ZFHX3: variants seen among roughly 807,000 people sequenced by gnomAD.
ZFHX3 encodes zinc finger homeobox protein 3.
In ZFHX3, 42 loss-of-function variants were observed where a neutral mutation model predicts 279.1. That is an observed-to-expected ratio of 0.15 (90% CI 0.12 to 0.19). ZFHX3 has a LOEUF of 0.19. Among genes scored for constraint, ZFHX3 ranks in the 10% least tolerant of loss-of-function variants. The pLI is 1.00. For synonymous variants in ZFHX3, 2,293 were observed against 1,957.8 expected (o/e 1.17, Z -4.52); for missense variants, 4,981 against 4,754.0 (o/e 1.05, Z -1.40).
chr16:72,859,040 C>A (rs953820295), intron 4 of ZFHX3, among the ~76,000 whole-genome samples: 2 of 152,252 alleles, frequency 1.3e-5, no homozygotes, highest in African/African-American at 4.8e-5. Context: ...CAGGCTCCCT[C>A]CACACCCTCT....
At chr16:73,346,965 A>G (rs747516262) in intron 3 of ZFHX3, among the ~76,000 whole-genome samples, 1 of 152,162 alleles carries the variant, frequency 6.6e-6, no homozygotes, top group Admixed American at 6.5e-5. Context: ...CATGTTCACT[A>G]TAAGGAGGTA....
intron 1 of ZFHX3, among the ~76,000 whole-genome samples, chr16:73,870,680 C>T (rs961751047): frequency 3.3e-5 from 5 of 152,132 alleles, no homozygotes; most frequent in Admixed American, 6.5e-5. Context: ...AGTTCTATTC[C>T]CCAATTCAAA....
chr16:73,565,541 T>C (rs2020439134), intron 2 of ZFHX3, among the ~76,000 whole-genome samples: 1 of 152,168 alleles, frequency 6.6e-6, no homozygotes, highest in Non-Finnish European at 1.5e-5. Flanking sequence ...TCGGGGCACT[T>C]AATAGTTTAC....
At chr16:73,218,760 C>A (rs915280133) in intron 5 of ZFHX3, among the ~76,000 whole-genome samples, 3 of 152,118 alleles carry the variant, frequency 2.0e-5, no homozygotes, top group Non-Finnish European at 4.4e-5. Context: ...CAGAGCGAGA[C>A]CCTGTCTCAA....
Position 73,454,164 on chromosome 16 carries a change from T to C in ZFHX3, c.-1291+1839A>G, listed in dbSNP as rs900722952. Among the ~76,000 whole-genome samples, 4 of 152,286 alleles carry C rather than the reference T, an allele frequency of 2.6e-5. No individual in the cohort carries two copies. The East Asian group carries it at 7.7e-4, about 29-fold the overall frequency. The stretch of plus-strand genomic sequence containing the variant: ...CATGAGCATAATAAAATCACAGCTG[T>C]TTTACACCATTGTGTTTTGGGATGG... On this transcript the variant is annotated intron_variant, in intron 3 of 17. Transcript: ENST00000641206.
intron 5 of ZFHX3, among the ~76,000 whole-genome samples, chr16:73,151,921 C>T (rs1445411402): frequency 1.3e-5 from 2 of 150,376 alleles, no homozygotes; most frequent in African/African-American, 4.9e-5. Context: ...AGACCCACCC[C>T]CACCCCACCC....
chr16:73,548,860 T>TA (rs2020163097), intron 2 of ZFHX3, among the ~76,000 whole-genome samples: 1 of 152,172 alleles, frequency 6.6e-6, no homozygotes, highest in Admixed American at 6.5e-5. Flanking sequence ...CGATTCTCTA[T>TA]AAAAAATATG....
At chr16:73,860,286 C>A (rs1400611612) in intron 1 of ZFHX3, among the ~76,000 whole-genome samples, 1 of 152,112 alleles carries the variant, frequency 6.6e-6, no homozygotes. Flanking sequence ...CCAAGAGCAG[C>A]GGAATCACTG....
At chr16:73,106,854 A>G (rs8045933) in intron 7 of ZFHX3, among the ~76,000 whole-genome samples, 80,774 of 151,988 alleles carry the variant, frequency 0.53, 21,603 homozygotes, top group Admixed American at 0.6. Flanking sequence ...TTATGCAACA[A>G]TGCACTTGGT....
At chr16:72,837,123 A>G (rs1221396728) in intron 4 of ZFHX3, among the ~76,000 whole-genome samples, 1 of 152,194 alleles carries the variant, frequency 6.6e-6, no homozygotes, top group Non-Finnish European at 1.5e-5. Flanking sequence ...AATGGGACAG[A>G]GTGTGGGAAA....
intron 5 of ZFHX3, among the ~76,000 whole-genome samples, chr16:73,161,797 T>G (rs530336271): frequency 6.6e-6 from 1 of 152,276 alleles, no homozygotes; most frequent in South Asian, 2.1e-4. Flanking sequence ...GCAAATTTAA[T>G]CCATAGGTGG....
At chr16:73,101,658 T>C (rs897836912) in intron 7 of ZFHX3, among the ~76,000 whole-genome samples, 2 of 152,178 alleles carry the variant, frequency 1.3e-5, no homozygotes, top group Admixed American at 1.3e-4. Flanking sequence ...CACGTCACCC[T>C]CCCATAGTGC....
At chr16:73,748,006 GC>G (rs1474213390) in intron 1 of ZFHX3, among the ~76,000 whole-genome samples, 1 of 152,118 alleles carries the variant, frequency 6.6e-6, no homozygotes, top group African/African-American at 2.4e-5. Flanking sequence ...GGAGATTTCT[GC>G]CCTTTGTTTA....
intron 3 of ZFHX3, among the ~76,000 whole-genome samples, chr16:72,921,941 G>C (rs975051749): frequency 6.6e-6 from 1 of 152,190 alleles, no homozygotes; most frequent in African/African-American, 2.4e-5. Flanking sequence ...CCTCCCAGCC[G>C]GGTGCGGAGG....
intron 2 of ZFHX3, among the ~76,000 whole-genome samples, chr16:73,655,246 G>A (rs923537434): frequency 1.3e-5 from 2 of 152,168 alleles, no homozygotes; most frequent in African/African-American, 4.8e-5. Flanking sequence ...GAAAAGATAA[G>A]GATATTCATT....
intron 1 of ZFHX3, among the ~76,000 whole-genome samples, chr16:73,790,895 A>G (rs1959804183): frequency 6.6e-6 from 1 of 152,232 alleles, no homozygotes; most frequent in South Asian, 2.1e-4. Context: ...TCACCAGAGT[A>G]GAGCGGCTTC....
chr16:73,473,076 C>A (rs1441066409), intron 2 of ZFHX3, among the ~76,000 whole-genome samples: 1 of 151,170 alleles, frequency 6.6e-6, no homozygotes, highest in Non-Finnish European at 1.5e-5. Flanking sequence ...CACAGTGGCT[C>A]ATGCCTCTAT....
At chr16:73,683,909 T>G (rs1165573793) in intron 1 of ZFHX3, among the ~76,000 whole-genome samples, 1 of 152,258 alleles carries the variant, frequency 6.6e-6, no homozygotes, top group Admixed American at 6.5e-5. Context: ...TAATATTTCT[T>G]GTTTGTGGGC....
chr16:73,383,610 T>G (rs560933309), intron 3 of ZFHX3, among the ~76,000 whole-genome samples: 2 of 149,440 alleles, frequency 1.3e-5, no homozygotes, highest in East Asian at 4.0e-4. Flanking sequence ...CTCATCTTTG[T>G]GGAGGCCTCT....
Sources: gnomAD v4.1 joint callset for allele counts (sites outside exome capture counted in the v4.1 genomes callset) on GRCh38, gnomAD v4.1.1 for gene constraint, MANE v1.5 for transcripts, NCBI Gene and HGNC (gene_info 2026-07-23, HGNC 2026-07-21) for gene names.